The following OLAH variants were observed in gnomAD, a reference collection of about 807,000 sequenced individuals.
OLAH encodes the protein oleoyl-ACP hydrolase, also known as S-acyl fatty acid synthase thioesterase, medium chain.
Under a neutral mutation model 27.8 loss-of-function variants are expected in OLAH, and 33 were observed. The ratio of observed to expected loss-of-function variants is 1.19; its 90% CI spans 0.90 to 1.59. The LOEUF (loss-of-function observed/expected upper bound fraction) is 1.59, where lower values mean the gene tolerates loss of function less well. OLAH is among the 40% of genes most tolerant of loss of function. OLAH has a pLI of 0.00. For synonymous variants in OLAH, 120 were observed against 102.9 expected (o/e 1.17, Z -1.01); for missense variants, 359 against 310.8 (o/e 1.16, Z -1.17).
intron 3 of OLAH, among the ~76,000 whole-genome samples, chr10:15,053,773 G>A (rs1844191622): frequency 6.6e-6 from 1 of 151,626 alleles, no homozygotes; most frequent in African/African-American, 2.4e-5. Context: ...GGAGTGTGGT[G>A]GTGCAATCAC....
intron 3 of OLAH, among the ~76,000 whole-genome samples, chr10:15,052,895 A>C (rs1844174343): frequency 6.6e-6 from 1 of 151,740 alleles, no homozygotes; most frequent in Admixed American, 6.6e-5. Flanking sequence ...GGCATGCACC[A>C]CCATGGCTGG....
At position 15,064,463 on chromosome 10, in the gene OLAH, A is replaced by G. The variant is rs1589251397; in HGVS notation, c.363A>G (p.Glu121=). ...GTCTAAAAGAAAACAATCAACCAGA[A>G]CCATTGCATTTATTTTTGTCAAGTG... ...ALGLKENNQP[E]PLHLFLSSAT... Residue 121 remains glutamate, a synonymous_variant, in exon 5 of 8, where the codon GAA becomes GAG. Transcript: ENST00000378228. 3.1e-6 allele frequency: 5 copies of G among 1,594,078 alleles called. No homozygotes were observed. The East Asian group carries it at 1.2e-4, about 37-fold the overall frequency.
At chr10:15,062,221 T>C (rs189213974) in intron 4 of OLAH, 34 of 163,414 alleles carry the variant, frequency 2.1e-4, no homozygotes, top group Admixed American at 1.9e-4. Context: ...TTATCAGTTG[T>C]ATGACCTTGG....
At chr10:15,072,721 G>A (rs75968190) in intron 7 of OLAH, among the ~76,000 whole-genome samples, 6,432 of 151,720 alleles carry the variant, frequency 0.042, 239 homozygotes, top group Middle Eastern at 0.061. Flanking sequence ...TCTGGCGGCC[G>A]GAAGCAAGGT....
chr10:15,061,998 A>G, intron 4 of OLAH, 136 bp downstream of exon 4: 1 of 759,720 alleles, frequency 1.3e-6, no homozygotes. Context: ...TATGGCCATC[A>G]CAACTTTTAC....
intron 6 of OLAH, among the ~76,000 whole-genome samples, chr10:15,071,264 C>A (rs1265225781): frequency 6.6e-6 from 1 of 152,166 alleles, no homozygotes; most frequent in African/African-American, 2.4e-5. Context: ...CTTGATAGCA[C>A]CTTCCATCTC....
At chr10:15,067,545 G>C (rs10082455) in intron 6 of OLAH, among the ~76,000 whole-genome samples, 3 of 152,002 alleles carry the variant, frequency 2.0e-5, no homozygotes, top group Admixed American at 6.6e-5. Context: ...AACACCAGAA[G>C]TAACACATTA....
chr10:15,064,430 T>C lies in OLAH; in HGVS notation c.330T>C (p.Thr110=), dbSNP rs763828767. The C allele has an allele frequency of 4.4e-6, 7 of 1,602,436 alleles. No individual in the cohort carries two copies. Among genetic ancestry groups the C allele is most frequent in the Non-Finnish European group, 6.0e-6 (7 of 1,175,588 alleles). Residue 110 remains threonine, a synonymous_variant, in exon 5 of 8, where the codon ACT becomes ACC. Transcript: ENST00000378228. ...HSMGSYIAFR[T]ALGLKENNQP... Reference sequence around the variant, plus strand: ...TGGGATCCTACATTGCTTTTAGGACTGCACTAGGTCTAAAAGAAAACAATC... The same window carrying C: ...TGGGATCCTACATTGCTTTTAGGACCGCACTAGGTCTAAAAGAAAACAATC...
intron 2 of OLAH, 68 bp downstream of exon 2, chr10:15,047,388 G>C (rs538407477): frequency 1.1e-5 from 16 of 1,478,940 alleles, no homozygotes; most frequent in Non-Finnish European, 1.5e-5. Context: ...GCCTTTGTAC[G>C]GCTCCCTTTT....
chr10:15,071,744 T>G, intron 6 of OLAH, 51 bp from the exon 7 acceptor site: 2 of 1,517,052 alleles, frequency 1.3e-6, no homozygotes, highest in Non-Finnish European at 1.8e-6. Flanking sequence ...AGGAAAAGAT[T>G]CTGGGATGTT....
intron 7 of OLAH, 73 bp from the exon 8 acceptor site, chr10:15,073,014 A>G (rs1465891825): frequency 1.4e-6 from 2 of 1,443,988 alleles, no homozygotes; most frequent in Admixed American, 1.9e-5. Context: ...CAGCTCTTAA[A>G]GAAATGATGT....
rs775096238 is a variant in OLAH, at chr10:15,064,520, T to C, written c.402+18T>C. ...CTGTACATGTAAGTAATTTAGCTTT[T>C]TCCTAGGAAGGGCAGTGGAGAGCAG... On this transcript the variant is annotated intron_variant, in intron 5 of 7. Transcript: ENST00000378228. 2.5e-5 allele frequency: 37 copies of C among 1,467,846 alleles called. No homozygotes were observed. The Admixed American group carries it at 7.7e-4, about 31-fold the overall frequency. The allele number at this position is 1,467,846 out of a possible 1,614,324, so 90.9% of individuals were successfully genotyped here.
In OLAH at chr10:15,071,960, G is replaced by T; in HGVS notation, c.655+83G>T. 4 of 944,948 alleles carry T rather than the reference G, an allele frequency of 4.2e-6. No homozygotes were observed. The South Asian group carries it at 5.7e-5, about 14-fold the overall frequency. The allele number at this position is 944,948 out of a possible 1,614,324, so 58.5% of individuals were successfully genotyped here. A position where few individuals can be genotyped will look rare whatever the true frequency, so the allele number is the denominator to read the frequency against. ...ATTTTTTTTTTTCTTTTGAGACAGA[G>T]TCTCGCCCTGTCACCCAGGCTGGAG... On this transcript the variant is annotated intron_variant, in intron 7 of 7. Transcript: ENST00000378228.
chr10:15,061,695 C>T (rs369124367), intron 3 of OLAH, 29 bp from the exon 4 acceptor site: 88 of 1,568,412 alleles, frequency 5.6e-5, no homozygotes, highest in East Asian at 6.8e-5. Context: ...ACTGTCTGTG[C>T]GTGTTCACTT....
At chr10:15,043,494 T>C (rs1181609196), upstream of OLAH, among the ~76,000 whole-genome samples, 3 of 141,284 alleles carry the variant, frequency 2.1e-5, no homozygotes, top group Non-Finnish European at 3.1e-5. Context: ...TTTTTTTTTT[T>C]CAGACAGAGT....
intron 3 of OLAH, among the ~76,000 whole-genome samples, chr10:15,060,171 TC>T (rs1304878349): frequency 6.6e-6 from 1 of 152,178 alleles, no homozygotes; most frequent in Non-Finnish European, 1.5e-5. Flanking sequence ...CACTTAATTT[TC>T]TTTTTTTTTA....
chr10:15,069,021 TTCC>T (rs1844527073), intron 6 of OLAH, among the ~76,000 whole-genome samples: 1 of 152,192 alleles, frequency 6.6e-6, no homozygotes, highest in Admixed American at 6.5e-5. Flanking sequence ...ACAGCCTCTC[TTCC>T]TCCTGTTGCC....
intron 3 of OLAH, among the ~76,000 whole-genome samples, chr10:15,051,225 G>A (rs112415423): frequency 0.056 from 8,539 of 151,834 alleles, 368 homozygotes; most frequent in Non-Finnish European, 0.083. Flanking sequence ...ACAGGCACAC[G>A]CCACCAGGCC....
chr10:15,065,274 G>C (rs1245180529), intron 5 of OLAH, among the ~76,000 whole-genome samples: 1 of 152,162 alleles, frequency 6.6e-6, no homozygotes, highest in Non-Finnish European at 1.5e-5. Flanking sequence ...TAAACCTGGT[G>C]CTGTTGCTCC....
Sources: allele counts gnomAD v4.1 joint callset (sites outside exome capture counted in the v4.1 genomes callset), GRCh38; gene constraint gnomAD v4.1.1; transcripts MANE v1.5; gene names NCBI Gene and HGNC (gene_info 2026-07-23, HGNC 2026-07-21).